The following TBC1D23 variants were observed in gnomAD, a reference collection of about 807,000 sequenced individuals.
The protein encoded by TBC1D23 is TBC1 domain family member 23, also known as HCV non-structural protein 4A-transactivated protein 1.
Under a neutral mutation model 91.4 loss-of-function variants are expected in TBC1D23, and 55 were observed. The ratio of observed to expected loss-of-function variants is 0.60; its 90% CI spans 0.48 to 0.75. TBC1D23 has a LOEUF of 0.75. Among genes scored for constraint, TBC1D23 ranks in the 30% least tolerant of loss-of-function variants. The probability of loss-of-function intolerance (pLI) is 0.00; values close to 1 mark genes in which losing one functional copy is unlikely to be tolerated. For synonymous variants in TBC1D23, 289 were observed against 281.0 expected (o/e 1.03, Z -0.28); for missense variants, 725 against 836.1 (o/e 0.87, Z 1.64).
At chr3:100,296,006 G>A (rs568488425) in intron 7 of TBC1D23, among the ~76,000 whole-genome samples, 166 bp from the exon 8 acceptor site, 13 of 152,242 alleles carry the variant, frequency 8.5e-5, no homozygotes, top group South Asian at 8.3e-4. Flanking sequence ...TACATTAGCC[G>A]TTTCAGCTCA....
At chr3:100,289,433 G>T (rs1159334486) in intron 4 of TBC1D23, among the ~76,000 whole-genome samples, 1 of 152,130 alleles carries the variant, frequency 6.6e-6, no homozygotes, top group Non-Finnish European at 1.5e-5. Flanking sequence ...TGCTGTGTAT[G>T]TGGGAGTTAG....
chr3:100,293,507 TAA>T (rs1323239811), intron 5 of TBC1D23, among the ~76,000 whole-genome samples: 1 of 152,184 alleles, frequency 6.6e-6, no homozygotes, highest in African/African-American at 2.4e-5. Flanking sequence ...ATGAAACAAT[TAA>T]AAAGTAATTC....
Position 100,306,423 on chromosome 3 carries a change from TA to T in TBC1D23, c.1307-12del. 6.7e-7 allele frequency: 1 copy of T among 1,498,544 alleles called. No individual in the cohort carries two copies. The highest frequency in any genetic ancestry group is 9.2e-7 in the Non-Finnish European group (1 of 1,092,704). The allele number at this position is 1,498,544 out of a possible 1,614,324, so 92.8% of individuals were successfully genotyped here. The stretch of plus-strand genomic sequence containing the variant: ...ATATTTTAGGTTTTTCTTTTTTTTT[TA>T]ATTTATCTTAAGCACTGCAGCAGCA... On this transcript the variant is annotated splice_polypyrimidine_tract_variant and intron_variant, in intron 12 of 18. Transcript: ENST00000394144.
In TBC1D23 at chr3:100,286,971, C is replaced by T. The variant is rs148108005; in HGVS notation, c.476+3160C>T. The stretch of plus-strand genomic sequence containing the variant: ...CTGGAATCACAGGCGTGTGCCACCA[C>T]ACCCGGCGAATTTTTGTATTTTTAG... On this transcript the variant is annotated intron_variant, in intron 4 of 18. Transcript: ENST00000394144. Among the ~76,000 whole-genome samples the T allele has an allele frequency of 4.7e-3, 713 of 151,382 alleles. 2 individuals carry two copies. Among genetic ancestry groups the T allele is most frequent in the South Asian group, 6.5e-3 (31 of 4,778 alleles).
At chr3:100,295,371 A>G in intron 7 of TBC1D23, 23 bp downstream of exon 7, 1 of 1,582,352 alleles carries the variant, frequency 6.3e-7, no homozygotes, top group East Asian at 2.2e-5. Flanking sequence ...TAATGTAGTG[A>G]AAACATTTCA....
intron 1 of TBC1D23, among the ~76,000 whole-genome samples, chr3:100,261,875 G>C (rs1218438351): frequency 6.6e-6 from 1 of 152,172 alleles, no homozygotes; most frequent in Non-Finnish European, 1.5e-5. Flanking sequence ...TTTAAAAAGG[G>C]ACCTTTAGAG....
chr3:100,304,895 T>C lies in TBC1D23; in HGVS notation c.1306+7T>C. On this transcript the variant is annotated splice_region_variant and intron_variant, in intron 12 of 18. Transcript: ENST00000394144. Reference sequence around the variant, plus strand: ...GCCAGTGGAGGATTTATGGGTAAGATTTTGATTTATTAGTTTTTTTCCTCT... The same window carrying C: ...GCCAGTGGAGGATTTATGGGTAAGACTTTGATTTATTAGTTTTTTTCCTCT... 1 of 1,441,592 alleles carries C rather than the reference T, an allele frequency of 6.9e-7. No homozygotes were observed. Among genetic ancestry groups the C allele is most frequent in the African/African-American group, 1.4e-5 (1 of 71,368 alleles). 89.3% of individuals were successfully genotyped at this position (1,441,592 alleles called of 1,614,324 possible). A position where few individuals can be genotyped will look rare whatever the true frequency, so the allele number is the denominator to read the frequency against.
chr3:100,292,847 C>CA (rs2067803665), intron 5 of TBC1D23, among the ~76,000 whole-genome samples: 1 of 152,220 alleles, frequency 6.6e-6, no homozygotes, highest in African/African-American at 2.4e-5. Context: ...GCAATCCTCT[C>CA]ACGCAGGCCT....
chr3:100,280,112 C>T (rs2067681836), intron 2 of TBC1D23, among the ~76,000 whole-genome samples: 1 of 151,982 alleles, frequency 6.6e-6, no homozygotes, highest in Non-Finnish European at 1.5e-5. Context: ...TGGTGAGACC[C>T]CATCTCTACC....
intron 18 of TBC1D23, among the ~76,000 whole-genome samples, chr3:100,322,952 A>G (rs1005481524): frequency 6.6e-6 from 1 of 152,332 alleles, no homozygotes; most frequent in Non-Finnish European, 1.5e-5. Context: ...TTTTAAAAAA[A>G]TACCACTATT....
chr3:100,283,743 G>A lies in TBC1D23; in HGVS notation c.408G>A (p.Val136=). Residue 136 remains valine (V), a synonymous_variant, in exon 4 of 19, where the codon GTG becomes GTA. Transcript: ENST00000394144. ...LSWIHLLKPL[V]HLQLPRSDLY... is the part of the protein sequence containing the mutation. ...GGATACATCTACTGAAACCATTGGT[G>A]CATCTTCAACTGCCACGCAGCGATT... 1 of 1,613,228 alleles carries A rather than the reference G, an allele frequency of 6.2e-7. No homozygotes were observed. Among genetic ancestry groups the A allele is most frequent in the Non-Finnish European group, 8.5e-7 (1 of 1,179,250 alleles).
At chr3:100,305,002 A>C (rs1705493614) in intron 12 of TBC1D23, 114 bp downstream of exon 12, 1 of 588,746 alleles carries the variant, frequency 1.7e-6, no homozygotes. Flanking sequence ...CTCTTCATTC[A>C]TTCAATATTT....
At position 100,314,495 on chromosome 3, in the gene TBC1D23, TGTG is replaced by T. The variant is rs1705696703; in HGVS notation, c.1599-1598_1599-1596del. Among the ~76,000 whole-genome samples the T allele has an allele frequency of 2.0e-5, 3 of 152,132 alleles. No individual in the cohort carries two copies. In the East Asian group the frequency reaches 5.8e-4, roughly 29 times the overall value. ...ATTCTAAACCTAAGTAAAGGCCAAG[TGTG>T]GTGGTTCACACCTGTAATCTCAGCA... On this transcript the variant is annotated intron_variant, in intron 15 of 18. Transcript: ENST00000394144.
intron 9 of TBC1D23, among the ~76,000 whole-genome samples, chr3:100,298,267 C>G (rs1015331224): frequency 6.8e-5 from 10 of 146,772 alleles, no homozygotes; most frequent in African/African-American, 2.6e-4. Flanking sequence ...TGTTGACATT[C>G]TTGACACCAG....
chr3:100,278,511 A>T (rs2148853314), intron 1 of TBC1D23, among the ~76,000 whole-genome samples: 2 of 152,108 alleles, frequency 1.3e-5, no homozygotes, highest in East Asian at 3.9e-4. Context: ...TAGCCTGCCA[A>T]GTAGCTGGGA....
chr3:100,273,089 C>A (rs1388143466), intron 1 of TBC1D23, among the ~76,000 whole-genome samples: 1 of 152,198 alleles, frequency 6.6e-6, no homozygotes, highest in Non-Finnish European at 1.5e-5. Context: ...GCCCACGAGG[C>A]CATATTTCAG....
chr3:100,302,776 G>C (rs534720043), intron 11 of TBC1D23, among the ~76,000 whole-genome samples: 1 of 152,188 alleles, frequency 6.6e-6, no homozygotes, highest in Admixed American at 6.5e-5. Context: ...AGTAGAGATG[G>C]GGTTTCACTG....
intron 1 of TBC1D23, among the ~76,000 whole-genome samples, chr3:100,274,419 G>A (rs546200988): frequency 5.9e-5 from 9 of 152,152 alleles, no homozygotes; most frequent in African/African-American, 2.2e-4. Flanking sequence ...TTAAATTGTG[G>A]TAAAATATAC....
intron 13 of TBC1D23, among the ~76,000 whole-genome samples, chr3:100,310,144 T>G (rs542363594): frequency 6.6e-6 from 1 of 152,352 alleles, no homozygotes; most frequent in East Asian, 1.9e-4. Context: ...TCTGTTTTCA[T>G]GTGCTCATGT....
Sources: gnomAD v4.1 joint callset for allele counts (sites outside exome capture counted in the v4.1 genomes callset) on GRCh38, gnomAD v4.1.1 for gene constraint, MANE v1.5 for transcripts, NCBI Gene and HGNC (gene_info 2026-07-23, HGNC 2026-07-21) for gene names.